The following GALNT17 variants were observed in gnomAD, a reference collection of about 807,000 sequenced individuals.
GALNT17 encodes the protein polypeptide N-acetylgalactosaminyltransferase 17.
In GALNT17, 29 loss-of-function variants were observed where a neutral mutation model predicts 63.7. The observed-to-expected ratio is 0.46, with a 90% CI of 0.34 to 0.62. GALNT17 has a LOEUF of 0.62. GALNT17 is among the 20% of genes least tolerant of loss of function. The probability of loss-of-function intolerance (pLI) is 0.01; values close to 1 mark genes in which losing one functional copy is unlikely to be tolerated. For synonymous variants in GALNT17, 305 were observed against 318.3 expected (o/e 0.96, Z 0.45); for missense variants, 603 against 799.6 (o/e 0.75, Z 2.97).
intron 5 of GALNT17, among the ~76,000 whole-genome samples, chr7:71,496,396 T>C (rs929555398): frequency 6.6e-6 from 1 of 151,914 alleles, no homozygotes; most frequent in Non-Finnish European, 1.5e-5. Flanking sequence ...GGAGCATCTT[T>C]CTAGAGAAAC....
rs185037236 is a variant in GALNT17, at chr7:71,562,040, C to G, written c.963-9245C>G. Among the ~76,000 whole-genome samples, 214 of 152,082 alleles carry G rather than the reference C, an allele frequency of 1.4e-3. 1 individual carries two copies. The highest frequency in any genetic ancestry group is 3.3e-3 in the Admixed American group (50 of 15,270). ...GTGCGATCATAGCACACTACAGTGTCCAACTCCCAGGCTCAAGTGATTCTC... is the reference window on the plus strand; with the variant it reads ...GTGCGATCATAGCACACTACAGTGTGCAACTCCCAGGCTCAAGTGATTCTC... On this transcript the variant is annotated intron_variant, in intron 5 of 10. Coordinates refer to ENST00000333538, the MANE Select transcript of GALNT17 (RefSeq NM_022479.3).
intron 5 of GALNT17, among the ~76,000 whole-genome samples, chr7:71,458,139 G>A (rs1787387324): frequency 6.6e-6 from 1 of 152,130 alleles, no homozygotes; most frequent in African/African-American, 2.4e-5. Context: ...GGCTTGGCCA[G>A]TCCTTTTCCA....
intron 5 of GALNT17, among the ~76,000 whole-genome samples, chr7:71,479,583 CT>C (rs896019611): frequency 6.4e-4 from 94 of 147,908 alleles, no homozygotes; most frequent in African/African-American, 1.1e-3. Flanking sequence ...TAGAGAATGA[CT>C]TTTTTTTTTT....
chr7:71,652,887 C>T (rs962261638), intron 6 of GALNT17, among the ~76,000 whole-genome samples: 5 of 152,184 alleles, frequency 3.3e-5, no homozygotes, highest in African/African-American at 9.7e-5. Flanking sequence ...ACTGACATTG[C>T]AATTGCAGCG....
chr7:71,628,295 T>C (rs982927429), intron 6 of GALNT17, among the ~76,000 whole-genome samples: 1 of 152,162 alleles, frequency 6.6e-6, no homozygotes, highest in Admixed American at 6.6e-5. Flanking sequence ...ATAAATTTGC[T>C]CTATTGAATT....
intron 5 of GALNT17, among the ~76,000 whole-genome samples, chr7:71,559,086 G>A (rs947725821): frequency 6.6e-6 from 1 of 152,226 alleles, no homozygotes. Context: ...TAAAGGCAAA[G>A]CACTGGCCTT....
At position 71,412,534 on chromosome 7, in the gene GALNT17, G is replaced by A. The variant is rs913827610; in HGVS notation, c.590-3355G>A. ...ATTACATATGCCCGCCACCACACCC[G>A]GCTAGTTTTTGTATTTTTAATAGAG... is the stretch of plus-strand genomic sequence containing the variant. On this transcript the variant is annotated intron_variant, in intron 3 of 10. Coordinates refer to ENST00000333538, the MANE Select transcript of GALNT17 (RefSeq NM_022479.3). 3.3e-5 allele frequency among the ~76,000 whole-genome samples: 5 copies of A among 152,108 alleles called. No individual in the cohort carries two copies. In the South Asian group the frequency reaches 6.2e-4, roughly 19 times the overall value.
At chr7:71,489,051 A>G (rs1400115362) in intron 5 of GALNT17, among the ~76,000 whole-genome samples, 2 of 142,838 alleles carry the variant, frequency 1.4e-5, no homozygotes, top group African/African-American at 5.3e-5. Context: ...GCACCACCAC[A>G]CCTCGCAAAT....
intron 6 of GALNT17, among the ~76,000 whole-genome samples, chr7:71,649,216 G>A (rs1790721592): frequency 6.6e-6 from 1 of 152,182 alleles, no homozygotes. Flanking sequence ...CAGATCTCAT[G>A]TTTGTGCACC....
At chr7:71,483,158 A>G (rs1467703424) in intron 5 of GALNT17, among the ~76,000 whole-genome samples, 1 of 152,156 alleles carries the variant, frequency 6.6e-6, no homozygotes, top group Non-Finnish European at 1.5e-5. Context: ...CAGCACTGAA[A>G]GTTGCTCTGG....
intron 1 of GALNT17, among the ~76,000 whole-genome samples, chr7:71,201,246 T>TATATATATATATATATAC (rs1311961296): frequency 1.3e-5 from 2 of 149,030 alleles, no homozygotes; most frequent in East Asian, 2.0e-4. Context: ...TATTTTTATA[T>TATATATATATATATATAC]ATATATATAT....
chr7:71,590,164 A>G (rs1448656505), intron 6 of GALNT17, among the ~76,000 whole-genome samples: 1 of 152,214 alleles, frequency 6.6e-6, no homozygotes, highest in Non-Finnish European at 1.5e-5. Context: ...TTTATGTCGA[A>G]GTTATAGTTC....
Position 71,607,148 on chromosome 7 carries a change from G to C in GALNT17, c.1080+35746G>C, listed in dbSNP as rs1373005688. On this transcript the variant is annotated intron_variant, in intron 6 of 10. Transcript: ENST00000333538. The stretch of plus-strand genomic sequence containing the variant: ...GGTCATATCGCTGCACTCCAGCCTA[G>C]GTGACAGAGTGAGACCCTACCTAAG... 3.9e-5 allele frequency among the ~76,000 whole-genome samples: 6 copies of C among 152,176 alleles called. No individual in the cohort carries two copies. In the Middle Eastern group the frequency reaches 0.014, roughly 347 times the overall value.
At chr7:71,145,372 T>C (rs887987506) in intron 1 of GALNT17, among the ~76,000 whole-genome samples, 1 of 152,134 alleles carries the variant, frequency 6.6e-6, no homozygotes, top group Non-Finnish European at 1.5e-5. Context: ...GGTGCACACC[T>C]GGAGTCCCAG....
chr7:71,405,921 A>C (rs1793320390), intron 3 of GALNT17, among the ~76,000 whole-genome samples: 1 of 152,204 alleles, frequency 6.6e-6, no homozygotes, highest in African/African-American at 2.4e-5. Flanking sequence ...TCTCATCTGT[A>C]AAATGGGGTC....
intron 1 of GALNT17, among the ~76,000 whole-genome samples, chr7:71,219,261 G>A (rs927965108): frequency 6.6e-6 from 1 of 152,212 alleles, no homozygotes; most frequent in Non-Finnish European, 1.5e-5. Flanking sequence ...AATCTCTCCT[G>A]TCTACTGCAT....
intron 1 of GALNT17, among the ~76,000 whole-genome samples, chr7:71,163,707 T>C (rs1243939293): frequency 2.0e-5 from 3 of 152,204 alleles, no homozygotes; most frequent in Non-Finnish European, 4.4e-5. Flanking sequence ...GAGGAGGAAA[T>C]GACTTCTTTC....
intron 1 of GALNT17, among the ~76,000 whole-genome samples, chr7:71,184,705 G>A (rs1258719814): frequency 6.6e-6 from 1 of 152,150 alleles, no homozygotes; most frequent in Non-Finnish European, 1.5e-5. Context: ...CTGTATGACA[G>A]GTATTATTAA....
At chr7:71,334,165 TC>T (rs1791856925) in intron 1 of GALNT17, among the ~76,000 whole-genome samples, 1 of 152,206 alleles carries the variant, frequency 6.6e-6, no homozygotes. Flanking sequence ...CGGTGCTCGT[TC>T]AACCTTTGCT....
Sources: allele counts gnomAD v4.1 joint callset (sites outside exome capture counted in the v4.1 genomes callset), GRCh38; gene constraint gnomAD v4.1.1; transcripts MANE v1.5; gene names NCBI Gene and HGNC (gene_info 2026-07-23, HGNC 2026-07-21).